WAC: variants seen among roughly 807,000 people sequenced by gnomAD.
The protein encoded by WAC is WW domain-containing adapter protein with coiled-coil.
In WAC, 11 loss-of-function variants were observed where a neutral mutation model predicts 79.6. The observed-to-expected ratio is 0.14, with a 90% CI of 0.09 to 0.23. The LOEUF is 0.23. Among genes scored for constraint, WAC ranks in the 10% least tolerant of loss-of-function variants. The pLI is 1.00. For missense variants in WAC, 728 were observed against 773.5 expected, an observed-to-expected ratio of 0.94 and a Z score of 0.70; for synonymous variants, 304 against 276.9, an observed-to-expected ratio of 1.10 and a Z score of -0.97.
At position 28,616,072 on chromosome 10, in the gene WAC, G is replaced by A; in HGVS notation, c.1557-101G>A. 6 of 934,376 alleles carry A rather than the reference G, an allele frequency of 6.4e-6. No homozygotes were observed. In the South Asian group the frequency reaches 1.3e-4, roughly 20 times the overall value. 57.9% of individuals were successfully genotyped at this position (934,376 alleles called of 1,614,324 possible). ...ATAACAAATTTTTCTTAGGAATTTGGATATCTTTAAGTTAATAAAAGGTAT... is the reference window on the plus strand; with the variant it reads ...ATAACAAATTTTTCTTAGGAATTTGAATATCTTTAAGTTAATAAAAGGTAT... On this transcript the variant is annotated intron_variant, in intron 11 of 13. Coordinates refer to ENST00000354911, the MANE Select transcript of WAC (RefSeq NM_016628.5).
intron 3 of WAC, among the ~76,000 whole-genome samples, chr10:28,566,651 C>A (rs1348586514): frequency 6.6e-6 from 1 of 152,200 alleles, no homozygotes; most frequent in Non-Finnish European, 1.5e-5. Context: ...TGGGTCACAT[C>A]CAGTTTTTTT....
chr10:28,541,426 T>G (rs1356662851), intron 3 of WAC, among the ~76,000 whole-genome samples: 6 of 138,024 alleles, frequency 4.3e-5, no homozygotes, highest in South Asian at 2.4e-4. Flanking sequence ...TTTTGTTTTT[T>G]TTTTTTTTTT....
intron 6 of WAC, among the ~76,000 whole-genome samples, chr10:28,595,237 A>T (rs1027072507): frequency 3.9e-5 from 6 of 152,206 alleles, no homozygotes; most frequent in African/African-American, 1.4e-4. Context: ...GAGGCAACTA[A>T]TTGTAGCTTA....
chr10:28,608,605 T>G (rs1348857408), intron 8 of WAC, 174 bp downstream of exon 8: 1 of 660,306 alleles, frequency 1.5e-6, no homozygotes, highest in African/African-American at 1.8e-5. Flanking sequence ...CACTGTAGTT[T>G]AAGACCATTG....
At position 28,617,676 on chromosome 10, in the gene WAC, A is replaced by C; in HGVS notation, c.1766A>C (p.Glu589Ala). The C allele has an allele frequency of 1.3e-6, 2 of 1,575,268 alleles. No individual in the cohort carries two copies. The highest frequency in any genetic ancestry group is 1.7e-6 in the Non-Finnish European group (2 of 1,167,916). ...TTACAGGCATCAAGATTACGCGAAG[A>C]AGCGCATAACATGGGAACTATTCAC... ...AEKQASRLRE[E>A]AHNMGTIHMS... Residue 589 changes from glutamate (E) to alanine (A), a missense_variant, in exon 13 of 14, where the codon GAA (glutamate) becomes GCA (alanine). By Grantham distance (107) the Glu-to-Ala change is moderately radical (BLOSUM62 -1). Transcript: ENST00000354911.
chr10:28,576,553 G>A (rs906150934), intron 3 of WAC, among the ~76,000 whole-genome samples: 12 of 152,160 alleles, frequency 7.9e-5, no homozygotes, highest in Admixed American at 4.6e-4. Context: ...AGTTGTATTG[G>A]TTCATGTGTA....
At chr10:28,540,927 A>G (rs1159684202) in intron 3 of WAC, among the ~76,000 whole-genome samples, 1 of 152,118 alleles carries the variant, frequency 6.6e-6, no homozygotes, top group African/African-American at 2.4e-5. Flanking sequence ...GCATCTGTGC[A>G]TGTAAATTGT....
chr10:28,577,536 G>T (rs1422282823), intron 3 of WAC, among the ~76,000 whole-genome samples: 1 of 152,116 alleles, frequency 6.6e-6, no homozygotes. Flanking sequence ...CAGAAAAACC[G>T]TATAGTACAG....
intron 7 of WAC, among the ~76,000 whole-genome samples, chr10:28,603,522 T>C (rs547141457): frequency 6.6e-6 from 1 of 152,336 alleles, no homozygotes; most frequent in African/African-American, 2.4e-5. Context: ...AGATGTGGAT[T>C]TTCTGTTTAT....
chr10:28,556,708 G>T (rs541262738), intron 3 of WAC, among the ~76,000 whole-genome samples: 1 of 151,948 alleles, frequency 6.6e-6, no homozygotes, highest in Admixed American at 6.6e-5. Context: ...TATATTTTCA[G>T]TTGTTATTCA....
At chr10:28,612,025 G>T (rs2132835624) in intron 10 of WAC, 103 bp downstream of exon 10, 2 of 1,388,330 alleles carry the variant, frequency 1.4e-6, no homozygotes, top group Middle Eastern at 1.9e-4. Flanking sequence ...AGAATGAGGT[G>T]TAGTGGTGGA....
chr10:28,533,636 G>A lies in WAC; in HGVS notation c.41+16G>A, dbSNP rs1398373153. ...TCAGTGATGGGTAAATTGTCTTTTC[G>A]TTTCGGGCCGGGCGGCGGCGGGGGG... On this transcript the variant is annotated intron_variant, in intron 1 of 13. Coordinates refer to ENST00000354911, the MANE Select transcript of WAC (RefSeq NM_016628.5). 1.3e-6 allele frequency: 2 copies of A among 1,598,830 alleles called. No individual in the cohort carries two copies. Among genetic ancestry groups the A allele is most frequent in the African/African-American group, 1.4e-5 (1 of 73,334 alleles).
At chr10:28,614,150 G>C (rs1332107237) in intron 10 of WAC, among the ~76,000 whole-genome samples, 1 of 151,972 alleles carries the variant, frequency 6.6e-6, no homozygotes, top group East Asian at 1.9e-4. Flanking sequence ...CTGTCGCCCA[G>C]GCGGGAGTGC....
intron 3 of WAC, among the ~76,000 whole-genome samples, chr10:28,577,620 C>G (rs1193478898): frequency 6.6e-6 from 1 of 152,138 alleles, no homozygotes; most frequent in African/African-American, 2.4e-5. Flanking sequence ...GCCAAGGACA[C>G]TGGAAGGTAG....
intron 2 of WAC, 153 bp from the exon 3 acceptor site, chr10:28,535,409 G>C (rs1836588435): frequency 2.2e-6 from 2 of 890,896 alleles, no homozygotes; most frequent in Non-Finnish European, 3.2e-6. Flanking sequence ...TTTTGTCTGA[G>C]AAACTTTAAA....
chr10:28,535,541 TG>T lies in WAC; in HGVS notation c.79-14del, dbSNP rs756526379. 7.8e-6 allele frequency: 12 copies of T among 1,530,226 alleles called. No homozygotes were observed. Among genetic ancestry groups the T allele is most frequent in the African/African-American group, 1.4e-5 (1 of 71,798 alleles). The allele number at this position is 1,530,226 out of a possible 1,614,324, so 94.8% of individuals were successfully genotyped here. On this transcript the variant is annotated intron_variant, in intron 2 of 13. Coordinates refer to ENST00000354911, the MANE Select transcript of WAC (RefSeq NM_016628.5). ...GGTTTCAATTCTTTCTCTCTTTTTT[TG>T]GGGGGGTGATGTTTTACAGGCACTT...
intron 6 of WAC, chr10:28,591,046 C>G: frequency 2.1e-6 from 1 of 480,306 alleles, no homozygotes; most frequent in South Asian, 2.3e-5. Flanking sequence ...TTTCCCACTA[C>G]ACATTATGGC....
At chr10:28,606,442 G>T (rs1374043268) in intron 7 of WAC, among the ~76,000 whole-genome samples, 1 of 152,146 alleles carries the variant, frequency 6.6e-6, no homozygotes, top group Admixed American at 6.5e-5. Context: ...CAGTCTGCTG[G>T]ATTCAAGCAC....
At position 28,535,523 on chromosome 10, in the gene WAC, A is replaced by T. The variant is rs370746252; in HGVS notation, c.79-39A>T. On this transcript the variant is annotated intron_variant, in intron 2 of 13. Transcript: ENST00000354911. ...TTAAATTAGGGAGTTTAAGGTTTCA[A>T]TTCTTTCTCTCTTTTTTTGGGGGGG... 7.2e-6 allele frequency: 11 copies of T among 1,524,796 alleles called. No individual in the cohort carries two copies. In the African/African-American group the frequency reaches 1.3e-4, roughly 17 times the overall value. The allele number at this position is 1,524,796 out of a possible 1,614,324, so 94.5% of individuals were successfully genotyped here.
Sources: gnomAD v4.1 joint callset for allele counts (sites outside exome capture counted in the v4.1 genomes callset) on GRCh38, gnomAD v4.1.1 for gene constraint, MANE v1.5 for transcripts, NCBI Gene and HGNC (gene_info 2026-07-23, HGNC 2026-07-21) for gene names.